Variants in RBFOX1 observed in about 807,000 individuals in gnomAD.
The protein encoded by RBFOX1 is RNA binding protein fox-1 homolog 1.
A neutral mutation model predicts 57.7 loss-of-function variants in RBFOX1; 8 were observed. The observed-to-expected ratio is 0.14, with a 90% CI of 0.08 to 0.25. RBFOX1 has a LOEUF of 0.25. Ranked by LOEUF, RBFOX1 falls within the 10% of genes least tolerant of loss-of-function variation. RBFOX1 has a pLI of 1.00. For synonymous variants in RBFOX1, 326 were observed against 222.4 expected (o/e 1.47, Z -4.15); for missense variants, 611 against 548.5 (o/e 1.11, Z -1.14).
chr16:6,879,849 C>G (rs558584654), intron 3 of RBFOX1, among the ~76,000 whole-genome samples: 2 of 152,298 alleles, frequency 1.3e-5, no homozygotes, highest in South Asian at 2.1e-4. Flanking sequence ...AGGTTTGAGA[C>G]ATTTTGAATT....
intron 4 of RBFOX1, among the ~76,000 whole-genome samples, chr16:7,276,768 C>G (rs1309840700): frequency 1.3e-5 from 2 of 152,150 alleles, no homozygotes; most frequent in Non-Finnish European, 2.9e-5. Context: ...GATTACAAAT[C>G]CTCATAAAAT....
At chr16:6,119,331 AT>A (rs2096530994) in intron 1 of RBFOX1, among the ~76,000 whole-genome samples, 1 of 152,150 alleles carries the variant, frequency 6.6e-6, no homozygotes, top group Admixed American at 6.5e-5. Context: ...CTTGGAAGGG[AT>A]GCCACAAAAG....
intron 1 of RBFOX1, among the ~76,000 whole-genome samples, chr16:5,434,431 C>T (rs529298408): frequency 6.8e-6 from 1 of 146,890 alleles, no homozygotes; most frequent in Non-Finnish European, 1.5e-5. Flanking sequence ...AAGCGATTTT[C>T]CTGCCTTAGC....
At chr16:5,651,933 G>A (rs535279036) in intron 3 of RBFOX1, among the ~76,000 whole-genome samples, 1 of 152,262 alleles carries the variant, frequency 6.6e-6, no homozygotes, top group Non-Finnish European at 1.5e-5. Context: ...AGGAGTTCAA[G>A]ACCAGCCTGG....
intron 2 of RBFOX1, among the ~76,000 whole-genome samples, chr16:6,370,183 C>G (rs1401420112): frequency 2.0e-5 from 3 of 151,686 alleles, no homozygotes; most frequent in Non-Finnish European, 4.4e-5. Context: ...GCGGTGAAAA[C>G]CTGTCTCTAC....
At chr16:6,314,760 A>T (rs2080861187) in intron 1 of RBFOX1, among the ~76,000 whole-genome samples, 1 of 152,212 alleles carries the variant, frequency 6.6e-6, no homozygotes, top group African/African-American at 2.4e-5. Context: ...TTTGGGCTGT[A>T]CTAGGGATTC....
intron 2 of RBFOX1, among the ~76,000 whole-genome samples, chr16:6,376,296 T>C (rs2091163267): frequency 9.0e-6 from 1 of 111,376 alleles, no homozygotes; most frequent in Non-Finnish European, 2.0e-5. Flanking sequence ...TGTTTGTTTG[T>C]TGGTTGGTTG....
intron 4 of RBFOX1, among the ~76,000 whole-genome samples, chr16:7,339,676 G>T (rs969543132): frequency 1.2e-4 from 19 of 152,162 alleles, no homozygotes; most frequent in African/African-American, 4.3e-4. Context: ...CTGACCTCAG[G>T]TGATCCGCCC....
In RBFOX1 at chr16:6,993,980, G is replaced by A. The variant is rs145548221; in HGVS notation, c.-15-58077G>A. Among the ~76,000 whole-genome samples the A allele has an allele frequency of 2.2e-3, 335 of 152,294 alleles. 3 individuals are homozygous for A. The highest frequency in any genetic ancestry group is 7.8e-3 in the African/African-American group (325 of 41,568). On this transcript the variant is annotated intron_variant, in intron 3 of 15. Coordinates refer to ENST00000550418, the MANE Select transcript of RBFOX1 (RefSeq NM_018723.4). ...AAAGATTATGCAGGGAAGAGGGGTG[G>A]AGGTGGCTTTAGAAGAAGTATGTGG... is the stretch of plus-strand genomic sequence containing the variant.
chr16:5,893,111 A>G (rs1353150762), intron 4 of RBFOX1, among the ~76,000 whole-genome samples: 9 of 152,204 alleles, frequency 5.9e-5, no homozygotes, highest in Non-Finnish European at 1.5e-5. Flanking sequence ...CAAGTTTGGC[A>G]TTTTACCTCA....
intron 3 of RBFOX1, among the ~76,000 whole-genome samples, chr16:6,978,521 G>A (rs543224468): frequency 6.6e-6 from 1 of 152,296 alleles, no homozygotes; most frequent in Non-Finnish European, 1.5e-5. Flanking sequence ...AAGGGAAGCT[G>A]AGGTTCATAG....
At chr16:7,055,369 T>A (rs1194499104) in intron 4 of RBFOX1, among the ~76,000 whole-genome samples, 1 of 152,110 alleles carries the variant, frequency 6.6e-6, no homozygotes, top group Non-Finnish European at 1.5e-5. Flanking sequence ...TTTACAAAAA[T>A]AAATAACTCT....
chr16:7,671,442 A>G, intron 13 of RBFOX1: 1 of 956,976 alleles, frequency 1.0e-6, no homozygotes, highest in Non-Finnish European at 1.6e-6. Flanking sequence ...GGCTTGGTGA[A>G]GTAAGAGAGA....
intron 1 of RBFOX1, among the ~76,000 whole-genome samples, chr16:5,438,502 T>G (rs2067984535): frequency 6.6e-6 from 1 of 152,148 alleles, no homozygotes; most frequent in Admixed American, 6.6e-5. Context: ...TCCAACTGAG[T>G]TATCCTGATC....
chr16:6,223,830 C>T (rs1445344667), intron 1 of RBFOX1, among the ~76,000 whole-genome samples: 5 of 152,014 alleles, frequency 3.3e-5, no homozygotes, highest in East Asian at 1.9e-4. Context: ...TTTTTATGGT[C>T]TTAGGTCTAA....
At chr16:6,314,205 G>T (rs576848200) in intron 1 of RBFOX1, among the ~76,000 whole-genome samples, 63 of 152,214 alleles carry the variant, frequency 4.1e-4, no homozygotes, top group African/African-American at 1.5e-3. Flanking sequence ...TAACCCTCTG[G>T]GGCAAGGAAG....
chr16:6,000,709 G>A (rs953000853), intron 4 of RBFOX1, among the ~76,000 whole-genome samples: 1 of 151,436 alleles, frequency 6.6e-6, no homozygotes, highest in African/African-American at 2.4e-5. Context: ...GAGTGGGTTG[G>A]TGGATGGGTA....
intron 2 of RBFOX1, among the ~76,000 whole-genome samples, chr16:5,531,596 G>T (rs1014108808): frequency 5.9e-5 from 9 of 152,152 alleles, no homozygotes; most frequent in Non-Finnish European, 8.8e-5. Flanking sequence ...ACATCTGCAA[G>T]TCTCAGTTTT....
At chr16:6,772,653 T>A (rs1156461849) in intron 3 of RBFOX1, among the ~76,000 whole-genome samples, 2 of 151,282 alleles carry the variant, frequency 1.3e-5, no homozygotes, top group Non-Finnish European at 2.9e-5. Flanking sequence ...TGTGTGTGTG[T>A]GTGTGTATGT....
Sources: allele counts gnomAD v4.1 joint callset (sites outside exome capture counted in the v4.1 genomes callset), GRCh38; gene constraint gnomAD v4.1.1; transcripts MANE v1.5; gene names NCBI Gene and HGNC (gene_info 2026-07-23, HGNC 2026-07-21).